The following PPP3CC variants were observed in gnomAD, a reference collection of about 807,000 sequenced individuals.
The protein encoded by PPP3CC is protein phosphatase 3 catalytic subunit gamma.
In PPP3CC, 35 loss-of-function variants were observed where a neutral mutation model predicts 60.3. That is an observed-to-expected ratio of 0.58 (90% CI 0.44 to 0.77). The LOEUF (loss-of-function observed/expected upper bound fraction) is 0.77, where lower values mean the gene tolerates loss of function less well. PPP3CC is among the 30% of genes least tolerant of loss of function. PPP3CC has a pLI of 0.00. For synonymous variants in PPP3CC, 206 were observed against 224.3 expected (o/e 0.92, Z 0.73); for missense variants, 570 against 628.9 (o/e 0.91, Z 1.00).
intron 3 of PPP3CC, among the ~76,000 whole-genome samples, chr8:22,487,493 C>T (rs1392734920): frequency 2.0e-5 from 3 of 151,968 alleles, no homozygotes; most frequent in Admixed American, 6.6e-5. Context: ...GGCGTGGTGG[C>T]GTGTGCTTGT....
At chr8:22,519,837 G>T (rs113710456) in intron 6 of PPP3CC, among the ~76,000 whole-genome samples, 1 of 152,042 alleles carries the variant, frequency 6.6e-6, no homozygotes, top group Non-Finnish European at 1.5e-5. Flanking sequence ...TATATTTTTA[G>T]TAGAGATGGG....
At chr8:22,498,995 G>A (rs548620320) in intron 4 of PPP3CC, among the ~76,000 whole-genome samples, 9 of 152,022 alleles carry the variant, frequency 5.9e-5, no homozygotes, top group African/African-American at 1.4e-4. Flanking sequence ...GTGGTCGTGC[G>A]TGCCTGTAAT....
intron 3 of PPP3CC, among the ~76,000 whole-genome samples, chr8:22,484,960 A>G (rs1404322569): frequency 6.6e-6 from 1 of 152,192 alleles, no homozygotes; most frequent in Non-Finnish European, 1.5e-5. Context: ...GTAGTGAGTC[A>G]TTCTTTGAGT....
At chr8:22,474,013 GC>G (rs955099961) in intron 1 of PPP3CC, among the ~76,000 whole-genome samples, 2 of 152,092 alleles carry the variant, frequency 1.3e-5, no homozygotes, top group Non-Finnish European at 2.9e-5. Flanking sequence ...TTCTGCCTCA[GC>G]TTCCCGAGTA....
At chr8:22,530,132 G>T (rs1839663120) in intron 10 of PPP3CC, among the ~76,000 whole-genome samples, 1 of 152,186 alleles carries the variant, frequency 6.6e-6, no homozygotes, top group African/African-American at 2.4e-5. Flanking sequence ...CCGCACTGAA[G>T]ATCAACAGCA....
At chr8:22,480,057 A>G (rs1409425592) in intron 3 of PPP3CC, among the ~76,000 whole-genome samples, 2 of 152,160 alleles carry the variant, frequency 1.3e-5, no homozygotes, top group East Asian at 1.9e-4. Context: ...TCAGCAACCT[A>G]TATTTAAGAG....
chr8:22,530,508 A>AAAATAAATAAATAAATAAATAAATAAAT (rs754526584), intron 10 of PPP3CC, among the ~76,000 whole-genome samples: 4 of 122,228 alleles, frequency 3.3e-5, no homozygotes, highest in African/African-American at 1.2e-4. Flanking sequence ...CACAAACATA[A>AAAATAAATAAATAAATAAATAAATAAAT]AAATAAATAA....
At chr8:22,480,374 T>G (rs1838025102) in intron 3 of PPP3CC, among the ~76,000 whole-genome samples, 1 of 152,246 alleles carries the variant, frequency 6.6e-6, no homozygotes, top group Non-Finnish European at 1.5e-5. Flanking sequence ...GTTTCTTATA[T>G]AATTTACTAA....
rs1350287549 is a variant in PPP3CC at position 22,456,594 on chromosome 8, GT to G, written c.49+15138del. Among the ~76,000 whole-genome samples, 3 of 152,082 alleles carry G rather than the reference GT, an allele frequency of 2.0e-5. No individual in the cohort carries two copies. In the East Asian group the frequency reaches 5.8e-4, roughly 29 times the overall value. The stretch of plus-strand genomic sequence containing the variant: ...GACATTGGTACAGTCCATAGAGCTT[GT>G]TCAGATTTCACCAGTTATACATGCA... On this transcript the variant is annotated intron_variant, in intron 1 of 13. Transcript: ENST00000240139.
intron 3 of PPP3CC, among the ~76,000 whole-genome samples, chr8:22,487,629 G>T (rs1052445728): frequency 6.8e-6 from 1 of 146,822 alleles, no homozygotes; most frequent in Non-Finnish European, 1.5e-5. Context: ...TGTCTAAAGA[G>T]AAAAAAAAAA....
chr8:22,495,890 A>G (rs1374245957), intron 3 of PPP3CC, among the ~76,000 whole-genome samples: 3 of 152,072 alleles, frequency 2.0e-5, no homozygotes, highest in Non-Finnish European at 4.4e-5. Context: ...AAATTTACCC[A>G]TCTTTTATTT....
chr8:22,468,577 A>T (rs1038341317), intron 1 of PPP3CC, among the ~76,000 whole-genome samples: 1 of 152,116 alleles, frequency 6.6e-6, no homozygotes, highest in African/African-American at 2.4e-5. Flanking sequence ...GAAAATATTT[A>T]TACAGCTTCT....
intron 1 of PPP3CC, among the ~76,000 whole-genome samples, chr8:22,466,922 T>A (rs945475924): frequency 2.6e-5 from 4 of 151,772 alleles, no homozygotes; most frequent in South Asian, 2.1e-4. Flanking sequence ...AAAAAAAAAA[T>A]TTTGTAGAGA....
intron 4 of PPP3CC, among the ~76,000 whole-genome samples, chr8:22,501,264 T>C (rs1246138932): frequency 1.3e-5 from 2 of 152,270 alleles, no homozygotes; most frequent in Non-Finnish European, 2.9e-5. Flanking sequence ...CAATTTCATT[T>C]GTAGGAATTT....
chr8:22,449,706 C>G (rs1051370675), intron 1 of PPP3CC, among the ~76,000 whole-genome samples: 1 of 151,540 alleles, frequency 6.6e-6, no homozygotes, highest in African/African-American at 2.4e-5. Context: ...AGGTACTTAA[C>G]TAAGAAGTAG....
intron 9 of PPP3CC, 151 bp from the exon 10 acceptor site, chr8:22,528,355 A>G (rs994552511): frequency 6.9e-6 from 3 of 434,320 alleles, no homozygotes; most frequent in Admixed American, 4.3e-5. Context: ...GTTTACATTT[A>G]TGCTACTTTT....
chr8:22,472,265 T>C (rs1234733384), intron 1 of PPP3CC, among the ~76,000 whole-genome samples: 2 of 142,154 alleles, frequency 1.4e-5, no homozygotes, highest in Non-Finnish European at 2.9e-5. Context: ...GTACATTGTA[T>C]AGCTATAGAA....
intron 1 of PPP3CC, among the ~76,000 whole-genome samples, chr8:22,460,233 A>G (rs1451887088): frequency 1.3e-5 from 2 of 152,166 alleles, no homozygotes; most frequent in Admixed American, 6.5e-5. Flanking sequence ...AAAATCTTTA[A>G]ATAAAGATAG....
intron 1 of PPP3CC, among the ~76,000 whole-genome samples, chr8:22,469,210 A>G (rs1222315836): frequency 2.0e-5 from 3 of 152,200 alleles, no homozygotes; most frequent in Non-Finnish European, 2.9e-5. Context: ...ACTGAAGGTC[A>G]TTATCTTAAG....
Sources: allele counts gnomAD v4.1 joint callset (sites outside exome capture counted in the v4.1 genomes callset), GRCh38; gene constraint gnomAD v4.1.1; transcripts MANE v1.5; gene names NCBI Gene and HGNC (gene_info 2026-07-23, HGNC 2026-07-21).